FAAH2: variants seen among roughly 807,000 people sequenced by gnomAD.
FAAH2 encodes the protein fatty acid amide hydrolase 2.
In FAAH2, 60 loss-of-function variants were observed where a neutral mutation model predicts 36.9. The observed-to-expected ratio is 1.63, with a 90% confidence interval of 1.32 to 2.02. FAAH2 has a LOEUF of 2.02. Among genes scored for constraint, FAAH2 ranks in the 30% most tolerant of loss-of-function variants. The probability of loss-of-function intolerance (pLI) is 0.00; values close to 1 mark genes in which losing one functional copy is unlikely to be tolerated. For synonymous variants in FAAH2, 214 were observed against 143.8 expected (o/e 1.49, Z -3.49); for missense variants, 689 against 397.5 (o/e 1.73, Z -6.23).
At chrX:57,123,901 T>C in the FAAH2 span, among the ~76,000 whole-genome samples, 2 of 112,191 alleles carry the variant, frequency 1.8e-5, no homozygotes, top group Non-Finnish European at 3.8e-5. Flanking sequence ...TTCTGGATAT[T>C]AGCCCTTTGT....
chrX:57,215,064 G>T, the FAAH2 span, among the ~76,000 whole-genome samples: 1 of 106,349 alleles, frequency 9.4e-6, no homozygotes, highest in Non-Finnish European at 1.9e-5. Context: ...TACCCATCTG[G>T]CAGGGGTCTA....
At chrX:57,234,458 G>A in the FAAH2 span, among the ~76,000 whole-genome samples, 17 of 111,094 alleles carry the variant, frequency 1.5e-4, no homozygotes, top group East Asian at 8.4e-4. Flanking sequence ...CATTTGTTGC[G>A]CACTTTAGTT....
intron 7 of FAAH2, among the ~76,000 whole-genome samples, chrX:57,425,683 A>G (rs1188236442): frequency 8.9e-6 from 1 of 111,866 alleles, no homozygotes. Context: ...TATCATGACT[A>G]TACTCGTTCT....
chrX:57,444,665 G>C (rs560641468), intron 8 of FAAH2, among the ~76,000 whole-genome samples: 22 of 111,324 alleles, frequency 2.0e-4, no homozygotes, highest in African/African-American at 7.2e-4. Context: ...CCCATCTTCT[G>C]TGTCGCTCAT....
chrX:57,392,894 G>A, intron 7 of FAAH2: 7 of 830,450 alleles, frequency 8.4e-6, no homozygotes, highest in Non-Finnish European at 5.5e-6. Context: ...GCTTTGTGTA[G>A]ACTTCAGCTT....
chrX:57,216,115 AT>A, the FAAH2 span, among the ~76,000 whole-genome samples: 7 of 107,539 alleles, frequency 6.5e-5, no homozygotes, highest in South Asian at 8.3e-4. Context: ...ATAAATTTAC[AT>A]TTTTTTTAAA....
chrX:57,138,000 T>C, the FAAH2 span, among the ~76,000 whole-genome samples: 1 of 111,781 alleles, frequency 8.9e-6, no homozygotes, highest in African/African-American at 3.3e-5. Context: ...AACTCACAGA[T>C]ATAATTCTCT....
the FAAH2 span, among the ~76,000 whole-genome samples, chrX:57,129,093 T>A: frequency 8.9e-6 from 1 of 111,862 alleles, no homozygotes; most frequent in Admixed American, 9.5e-5. Flanking sequence ...AATAGAAAAA[T>A]GTTAGTATGG....
At chrX:57,148,172 G>A in the FAAH2 span, among the ~76,000 whole-genome samples, 1 of 109,752 alleles carries the variant, frequency 9.1e-6, no homozygotes, top group East Asian at 2.8e-4. Context: ...TAGCCTTGTA[G>A]TATAGTTTGA....
the FAAH2 span, among the ~76,000 whole-genome samples, chrX:57,168,749 A>G: frequency 8.9e-6 from 1 of 111,939 alleles, no homozygotes; most frequent in African/African-American, 3.2e-5. Context: ...CTCATCTTCA[A>G]AGGTAATTAG....
chrX:57,176,905 G>A, the FAAH2 span, among the ~76,000 whole-genome samples: 10 of 110,974 alleles, frequency 9.0e-5, no homozygotes, highest in East Asian at 2.9e-3. Flanking sequence ...CTCAGGTGCT[G>A]CTTCTAGTAG....
At chrX:57,165,172 C>T in the FAAH2 span, among the ~76,000 whole-genome samples, 1 of 112,058 alleles carries the variant, frequency 8.9e-6, no homozygotes, top group Non-Finnish European at 1.9e-5. Context: ...CCATTTGATC[C>T]AGCCATCCCA....
intron 5 of FAAH2, among the ~76,000 whole-genome samples, chrX:57,365,730 T>C (rs1368760684): frequency 8.9e-6 from 1 of 112,141 alleles, no homozygotes; most frequent in Non-Finnish European, 1.9e-5. Flanking sequence ...GAATCCTGCA[T>C]TTCTCAGAGC....
At chrX:57,458,982 C>A (rs957251476) in intron 10 of FAAH2, among the ~76,000 whole-genome samples, 6 of 111,945 alleles carry the variant, frequency 5.4e-5, no homozygotes, top group African/African-American at 1.9e-4. Context: ...ACCGTTCACT[C>A]CCCTGGAAAG....
the FAAH2 span, among the ~76,000 whole-genome samples, chrX:57,203,849 T>C: frequency 1.8e-5 from 2 of 111,933 alleles, no homozygotes. Flanking sequence ...CTAGATGCTT[T>C]TTTATTCTTT....
At chrX:57,233,596 G>A in the FAAH2 span, among the ~76,000 whole-genome samples, 1 of 111,580 alleles carries the variant, frequency 9.0e-6, no homozygotes, top group Non-Finnish European at 1.9e-5. Flanking sequence ...ACATTGGATG[G>A]AGTCCTTTTG....
rs1040755349 is a variant in FAAH2 at position 57,306,682 on chromosome X, G to A, written c.276-3911G>A. ...TCAAGTGTTCAGTACAACGAGACTA[G>A]CAACATCTTGTGTGTGTGTGTGTGT... On this transcript the variant is annotated intron_variant, in intron 2 of 10. Transcript: ENST00000374900. Among the ~76,000 whole-genome samples, 13 of 71,795 alleles carry A rather than the reference G, an allele frequency of 1.8e-4. No individual in the cohort carries two copies. In the East Asian group the frequency reaches 3.3e-3, roughly 18 times the overall value. The allele number at this position is 71,795 out of a possible 115,157, so 62.3% of individuals were successfully genotyped here. A position where few individuals can be genotyped will look rare whatever the true frequency, so the allele number is the denominator to read the frequency against.
chrX:57,175,543 T>C, the FAAH2 span, among the ~76,000 whole-genome samples: 1 of 112,017 alleles, frequency 8.9e-6, no homozygotes, highest in African/African-American at 3.2e-5. Flanking sequence ...ATCTTTTAAG[T>C]GGAGCATTTA....
chrX:57,341,258 G>T lies in FAAH2; in HGVS notation c.623-13G>T. The T allele has an allele frequency of 2.5e-6, 3 of 1,191,495 alleles. No homozygotes were observed. The highest frequency in any genetic ancestry group is 3.8e-5 in the South Asian group (2 of 53,197). On this transcript the variant is annotated splice_polypyrimidine_tract_variant and intron_variant, in intron 4 of 10. Transcript: ENST00000374900. ...TAGATTATTTATTTGCAAGTATTTT[G>T]TGTTTCTTGTAGGTGGTGAGGGCTG...
Sources: gnomAD v4.1 joint callset for allele counts (sites outside exome capture counted in the v4.1 genomes callset) on GRCh38, gnomAD v4.1.1 for gene constraint, MANE v1.5 for transcripts, NCBI Gene and HGNC (gene_info 2026-07-23, HGNC 2026-07-21) for gene names.